Variants in OTOF observed in about 807,000 individuals in gnomAD.
The protein encoded by OTOF is fer-1-like family member 2.
OTOF carries 218 observed loss-of-function variants against 236.8 expected under a neutral mutation model. The observed-to-expected ratio is 0.92, with a 90% CI of 0.82 to 1.03. The LOEUF (loss-of-function observed/expected upper bound fraction) is 1.03. Ranked by LOEUF, OTOF falls within the 50% of genes least tolerant of loss-of-function variation. The pLI is 0.00. For synonymous variants in OTOF, 1,041 were observed against 1,072.5 expected (o/e 0.97, Z 0.57); for missense variants, 2,590 against 2,694.4 (o/e 0.96, Z 0.86).
intron 13 of OTOF, among the ~76,000 whole-genome samples, chr2:26,482,907 G>A (rs1410440924): frequency 6.7e-6 from 1 of 149,880 alleles, no homozygotes; most frequent in East Asian, 2.0e-4. Context: ...GTTAATGGGT[G>A]CATGTGTGCG....
rs181805996 is a variant in OTOF at position 26,484,485 on chromosome 2, A to T, written c.1194T>A (p.Asp398Glu). ...TPHKANETDE[D>E]DIEGNLLLPE... ...TAGCTGGGCCTCACCCCTCAATGTC[A>T]TCTTCGTCGGTCTCATTGGCCTTGT... is the stretch of plus-strand genomic sequence containing the variant. Residue 398 changes from aspartate to glutamate, a missense_variant, in exon 12 of 47, where the codon GAT becomes GAA. Physicochemically the swap from Asp to Glu is conservative, Grantham distance 45. This residue lies in a region of OTOF where 1,379 missense variants were observed against 1,341.6 expected (regional missense o/e 1.03). Coordinates refer to ENST00000272371, the MANE Select transcript of OTOF (RefSeq NM_194248.3). 168 of 1,613,946 alleles carry T rather than the reference A, an allele frequency of 1.0e-4. No individual in the cohort carries two copies. The East Asian group carries it at 3.2e-3, about 31-fold the overall frequency.
chr2:26,512,762 T>C (rs1666422084), intron 5 of OTOF, among the ~76,000 whole-genome samples: 1 of 152,104 alleles, frequency 6.6e-6, no homozygotes, highest in Non-Finnish European at 1.5e-5. Flanking sequence ...GGGGTAGAAG[T>C]TGACATCAGG....
At chr2:26,553,973 C>A (rs1228793793) in intron 1 of OTOF, among the ~76,000 whole-genome samples, 2 of 152,044 alleles carry the variant, frequency 1.3e-5, no homozygotes, top group African/African-American at 4.8e-5. Flanking sequence ...GAGTTTGAGA[C>A]CAGCCTGGGA....
chr2:26,501,488 A>C (rs1666114476), intron 8 of OTOF, among the ~76,000 whole-genome samples: 1 of 152,200 alleles, frequency 6.6e-6, no homozygotes, highest in Non-Finnish European at 1.5e-5. Context: ...CACTTTATGA[A>C]GTCCAATACT....
chr2:26,472,479 A>C (rs74748719), intron 30 of OTOF, 40 bp downstream of exon 30: 1 of 1,612,498 alleles, frequency 6.2e-7, no homozygotes, highest in Non-Finnish European at 8.5e-7. Flanking sequence ...ACGAAGTTGC[A>C]TGTTCCCAGC....
intron 6 of OTOF, among the ~76,000 whole-genome samples, chr2:26,503,436 TC>T (rs1666169696): frequency 6.6e-6 from 1 of 152,208 alleles, no homozygotes; most frequent in Non-Finnish European, 1.5e-5. Context: ...GACAACGGTT[TC>T]CCCCCAGAAA....
At chr2:26,525,994 G>T (rs1329242609) in intron 3 of OTOF, among the ~76,000 whole-genome samples, 2 of 150,044 alleles carry the variant, frequency 1.3e-5, no homozygotes, top group African/African-American at 5.0e-5. Context: ...GGCTGATACA[G>T]GATAATTGCT....
chr2:26,477,276 GC>G lies in OTOF; in HGVS notation c.2418del (p.Gln807SerfsTer10). 6.2e-7 allele frequency: 1 copy of G among 1,609,268 alleles called. No individual in the cohort carries two copies. The highest frequency in any genetic ancestry group is 8.5e-7 in the Non-Finnish European group (1 of 1,178,944). ...KSCMRELENM[G>X]QQARMLRAQV... ...TGGGCCCGCAGCATCCTGGCCTGCT[GC>G]CCCATGTTTTCCTGCGAAGGAGGGG... On this transcript the variant is annotated frameshift_variant, in exon 21 of 47. Coordinates refer to ENST00000272371, the MANE Select transcript of OTOF (RefSeq NM_194248.3). LOFTEE classifies it high-confidence loss of function. The surrounding 1 kb of genome is among the most constrained non-coding windows in gnomAD (Gnocchi z 4.7).
At chr2:26,514,239 G>C (rs1031237610) in intron 5 of OTOF, among the ~76,000 whole-genome samples, 1 of 152,272 alleles carries the variant, frequency 6.6e-6, no homozygotes, top group Non-Finnish European at 1.5e-5. Context: ...CACTGCCCCT[G>C]CAATGCAGGG....
chr2:26,547,574 A>G (rs1667363069), intron 1 of OTOF, among the ~76,000 whole-genome samples: 1 of 152,098 alleles, frequency 6.6e-6, no homozygotes, highest in African/African-American at 2.4e-5. Flanking sequence ...GGTGGCTTAC[A>G]CCTGTAATCC....
chr2:26,537,894 C>T, intron 1 of OTOF, 120 bp from the exon 2 acceptor site: 1 of 772,564 alleles, frequency 1.3e-6, no homozygotes, highest in Middle Eastern at 2.5e-4. Context: ...CAACATGGGA[C>T]CTCGTGGCTT....
In OTOF at chr2:26,460,417, C is replaced by T. The variant is rs896427862; in HGVS notation, c.5814-212G>A. On this transcript the variant is annotated intron_variant, in intron 45 of 46. Transcript: ENST00000272371. The surrounding 1 kb of genome is among the most constrained non-coding windows in gnomAD (Gnocchi z 5.3). Reference sequence around the variant, plus strand: ...AGGAAGGGAAGAGCATAGTTTCTCTCCGCTAGATGGGGCCTTTCCCAGGGA... The same window carrying T: ...AGGAAGGGAAGAGCATAGTTTCTCTTCGCTAGATGGGGCCTTTCCCAGGGA... 6.6e-6 allele frequency among the ~76,000 whole-genome samples: 1 copy of T among 152,200 alleles called. No individual in the cohort carries two copies. Among genetic ancestry groups the T allele is most frequent in the African/African-American group, 2.4e-5 (1 of 41,450 alleles).
At chr2:26,507,209 A>G (rs1666271297) in intron 5 of OTOF, among the ~76,000 whole-genome samples, 1 of 152,200 alleles carries the variant, frequency 6.6e-6, no homozygotes. Context: ...TGTAATTTCC[A>G]GAATTCTTAC....
chr2:26,554,686 C>T (rs1429862748), intron 1 of OTOF, among the ~76,000 whole-genome samples: 1 of 151,504 alleles, frequency 6.6e-6, no homozygotes, highest in Non-Finnish European at 1.5e-5. Context: ...TGATCGATGT[C>T]TCAAAGTTTG....
chr2:26,525,237 C>T (rs1169285181), intron 3 of OTOF, among the ~76,000 whole-genome samples: 1 of 152,146 alleles, frequency 6.6e-6, no homozygotes, highest in African/African-American at 2.4e-5. Flanking sequence ...TTCTGAAATG[C>T]CCTTGCCCCA....
rs761359291 is a variant in OTOF, at chr2:26,467,109, C to A, written c.4352G>T (p.Gly1451Val). ...TGCTCCTGGCCTGACCTTGAAGCGT[C>A]CCACAATGCGCTCCTCCTCGGTGGA... ...DGSTEEERIV[G>V]RFKGSLCVYK... is the part of the protein sequence containing the mutation. The change falls in exon 35 of 47, where the codon GGA becomes GTA. Residue 1451 changes from glycine to valine, a missense_variant. This residue lies in a region of OTOF where 1,211 missense variants were observed against 1,352.8 expected (regional missense o/e 0.90). Transcript: ENST00000272371. 1 of 1,613,580 alleles carries A rather than the reference C, an allele frequency of 6.2e-7. No individual in the cohort carries two copies. Among genetic ancestry groups the A allele is most frequent in the Non-Finnish European group, 8.5e-7 (1 of 1,180,004 alleles).
intron 1 of OTOF, among the ~76,000 whole-genome samples, chr2:26,544,012 C>A (rs528776117): frequency 4.6e-5 from 7 of 152,374 alleles, no homozygotes; most frequent in African/African-American, 1.4e-4. Context: ...TGGGCCACTG[C>A]GCCCAGCTTG....
intron 1 of OTOF, among the ~76,000 whole-genome samples, chr2:26,549,780 A>AACTCTGACC (rs1419640000): frequency 3.3e-5 from 5 of 152,066 alleles, no homozygotes; most frequent in Non-Finnish European, 7.4e-5. Flanking sequence ...TCCTCACTCA[A>AACTCTGACC]ACTCTGACTT....
At chr2:26,474,752 G>A (rs1222693292) in intron 25 of OTOF, 78 bp from the exon 26 acceptor site, 11 of 1,508,482 alleles carry the variant, frequency 7.3e-6, no homozygotes, top group South Asian at 3.4e-5. Context: ...TTACCACAGC[G>A]CCATGAGTTG....
Sources: allele counts gnomAD v4.1 joint callset (sites outside exome capture counted in the v4.1 genomes callset), GRCh38; gene constraint gnomAD v4.1.1; regional missense constraint gnomAD v4.1.1; non-coding constraint Gnocchi (gnomAD v3.1); transcripts MANE v1.5; gene names NCBI Gene and HGNC (gene_info 2026-07-23, HGNC 2026-07-21).